EYS: variants seen among roughly 807,000 people sequenced by gnomAD.
EYS encodes the protein EGF-like photoreceptor maintenance factor.
EYS carries 250 observed loss-of-function variants against 282.1 expected under a neutral mutation model. That is an observed-to-expected ratio of 0.89 (90% CI 0.80 to 0.98). EYS has a LOEUF of 0.98. EYS is among the 50% of genes least tolerant of loss of function. EYS has a pLI of 0.00. For synonymous variants in EYS, 1,355 were observed against 1,282.9 expected, an observed-to-expected ratio of 1.06 and a Z score of -1.20; for missense variants, 4,016 against 3,709.0, an observed-to-expected ratio of 1.08 and a Z score of -2.15.
chr6:65,151,012 G>A (rs758171573), intron 12 of EYS, among the ~76,000 whole-genome samples: 1 of 151,872 alleles, frequency 6.6e-6, no homozygotes, highest in Non-Finnish European at 1.5e-5. Flanking sequence ...TCTTCAAAAT[G>A]TTTCTTGAGT....
intron 2 of EYS, among the ~76,000 whole-genome samples, chr6:65,530,988 G>T (rs1354933928): frequency 6.6e-6 from 1 of 151,970 alleles, no homozygotes; most frequent in East Asian, 1.9e-4. Context: ...GCTCCTATAA[G>T]AAAAATAGTA....
chr6:63,990,945 G>C (rs1767577549), intron 34 of EYS, among the ~76,000 whole-genome samples: 1 of 151,622 alleles, frequency 6.6e-6, no homozygotes, highest in African/African-American at 2.4e-5. Flanking sequence ...CAATGTTCTG[G>C]CTTTTCAGAA....
At chr6:64,936,403 G>A (rs116781720) in intron 15 of EYS, among the ~76,000 whole-genome samples, 1 of 151,528 alleles carries the variant, frequency 6.6e-6, no homozygotes, top group Non-Finnish European at 1.5e-5. Context: ...AGCATATTTA[G>A]TCTGTCATTT....
intron 26 of EYS, among the ~76,000 whole-genome samples, chr6:64,550,716 C>T (rs957667978): frequency 1.3e-5 from 2 of 152,034 alleles, no homozygotes; most frequent in African/African-American, 4.8e-5. Flanking sequence ...AAAACCCCAT[C>T]GTCTCAGCCC....
intron 1 of EYS, among the ~76,000 whole-genome samples, chr6:65,641,069 A>G (rs914465582): frequency 1.3e-5 from 2 of 151,984 alleles, no homozygotes; most frequent in East Asian, 1.9e-4. Context: ...TTACAGTGTA[A>G]ACTTAGCTTA....
intron 1 of EYS, among the ~76,000 whole-genome samples, chr6:65,647,451 T>C (rs1767490794): frequency 6.6e-6 from 1 of 152,144 alleles, no homozygotes; most frequent in Non-Finnish European, 1.5e-5. Context: ...GCTGGGATAA[T>C]TGGCAAGCCA....
At chr6:64,873,379 A>G (rs186432643) in intron 19 of EYS, among the ~76,000 whole-genome samples, 15 of 152,104 alleles carry the variant, frequency 9.9e-5, no homozygotes, top group African/African-American at 3.4e-4. Flanking sequence ...GGGAGGGGAC[A>G]CAGCCAAATC....
chr6:64,612,427 T>C (rs190245131), intron 24 of EYS, among the ~76,000 whole-genome samples: 407 of 152,232 alleles, frequency 2.7e-3, no homozygotes, highest in Middle Eastern at 6.8e-3. Context: ...GAATGATCAT[T>C]TTTCTTGAAT....
chr6:65,333,343 C>T (rs1478724743), intron 11 of EYS, among the ~76,000 whole-genome samples: 2 of 151,556 alleles, frequency 1.3e-5, no homozygotes, highest in African/African-American at 4.8e-5. Context: ...GTAAATTTAT[C>T]AAGTTACTTA....
chr6:65,398,718 T>C (rs917205352), intron 7 of EYS, among the ~76,000 whole-genome samples: 10 of 152,240 alleles, frequency 6.6e-5, no homozygotes, highest in African/African-American at 2.2e-4. Flanking sequence ...TTTAGCCCGA[T>C]AGCTTCTCTA....
intron 31 of EYS, among the ~76,000 whole-genome samples, chr6:64,085,627 T>G (rs781428112): frequency 9.5e-4 from 144 of 152,172 alleles, no homozygotes; most frequent in African/African-American, 2.5e-3. Flanking sequence ...GTATGGCACC[T>G]CATTTGTTTA....
intron 8 of EYS, among the ~76,000 whole-genome samples, chr6:65,378,739 A>C (rs144032042): frequency 6.6e-6 from 1 of 152,018 alleles, no homozygotes; most frequent in Non-Finnish European, 1.5e-5. Context: ...TTGCAGGGAC[A>C]TGGATGAAGA....
chr6:65,080,444 A>G (rs967331759), intron 12 of EYS, among the ~76,000 whole-genome samples: 1 of 152,132 alleles, frequency 6.6e-6, no homozygotes, highest in Non-Finnish European at 1.5e-5. Context: ...TTTATCAGAT[A>G]AGATTAACTC....
chr6:63,917,736 T>C (rs960501866), intron 35 of EYS, among the ~76,000 whole-genome samples: 1 of 152,230 alleles, frequency 6.6e-6, no homozygotes, highest in South Asian at 2.1e-4. Context: ...ACAGCTTTTA[T>C]GATGAGTCCA....
chr6:64,360,720 T>C (rs1771975737), intron 29 of EYS, among the ~76,000 whole-genome samples: 1 of 151,754 alleles, frequency 6.6e-6, no homozygotes, highest in Non-Finnish European at 1.5e-5. Flanking sequence ...AAAGCCACAG[T>C]TCTATTTCTA....
At chr6:65,245,795 G>A (rs1385093186) in intron 12 of EYS, among the ~76,000 whole-genome samples, 1 of 151,854 alleles carries the variant, frequency 6.6e-6, no homozygotes, top group Non-Finnish European at 1.5e-5. Context: ...GTTGTTTCTG[G>A]TGTTTGTTTT....
intron 30 of EYS, among the ~76,000 whole-genome samples, chr6:64,285,775 G>A (rs1164911581): frequency 6.6e-6 from 1 of 152,180 alleles, no homozygotes; most frequent in Non-Finnish European, 1.5e-5. Context: ...TAGAAAATGA[G>A]GAAGATGCAG....
chr6:64,633,700 C>T (rs1362507985), intron 22 of EYS, among the ~76,000 whole-genome samples: 3 of 151,506 alleles, frequency 2.0e-5, no homozygotes, highest in Non-Finnish European at 4.4e-5. Flanking sequence ...TCCTCCTACT[C>T]TGTTTGGATC....
At chr6:65,463,615 TA>T (rs1439101407) in intron 5 of EYS, among the ~76,000 whole-genome samples, 1 of 152,198 alleles carries the variant, frequency 6.6e-6, no homozygotes, top group Non-Finnish European at 1.5e-5. Context: ...TGTATGCATA[TA>T]AAAATAATAA....
Sources: allele counts gnomAD v4.1 joint callset (sites outside exome capture counted in the v4.1 genomes callset), GRCh38; gene constraint gnomAD v4.1.1; transcripts MANE v1.5; gene names NCBI Gene and HGNC (gene_info 2026-07-23, HGNC 2026-07-21).